CFAP61: variants seen among roughly 807,000 people sequenced by gnomAD.
CFAP61 encodes cilia- and flagella-associated protein 61.
In CFAP61, 107 loss-of-function variants were observed where a neutral mutation model predicts 135.6. The ratio of observed to expected loss-of-function variants is 0.79; its 90% CI spans 0.67 to 0.93. CFAP61 has a LOEUF of 0.93. Among genes scored for constraint, CFAP61 ranks in the 40% least tolerant of loss-of-function variants. The pLI is 0.00. For synonymous variants in CFAP61, 575 were observed against 578.5 expected, an observed-to-expected ratio of 0.99 and a Z score of 0.09; for missense variants, 1,507 against 1,556.2, an observed-to-expected ratio of 0.97 and a Z score of 0.53.
intron 1 of CFAP61, among the ~76,000 whole-genome samples, chr20:20,053,961 C>G (rs559876000): frequency 6.8e-6 from 1 of 147,956 alleles, no homozygotes; most frequent in East Asian, 2.0e-4. Flanking sequence ...TTCTCTCTTA[C>G]ATTTCTGTTG....
intron 8 of CFAP61, among the ~76,000 whole-genome samples, chr20:20,104,080 G>A (rs1192511223): frequency 6.6e-6 from 1 of 152,114 alleles, no homozygotes; most frequent in Non-Finnish European, 1.5e-5. Context: ...CCTTGGCAGG[G>A]AGAGATTTCA....
At chr20:20,211,234 G>A (rs768842851) in intron 17 of CFAP61, among the ~76,000 whole-genome samples, 22 of 152,186 alleles carry the variant, frequency 1.4e-4, no homozygotes, top group Non-Finnish European at 1.0e-4. Flanking sequence ...AGCCGGGGGC[G>A]CGGTCCTCCC....
At chr20:20,055,181 A>T (rs2044210902) in intron 1 of CFAP61, among the ~76,000 whole-genome samples, 1 of 151,646 alleles carries the variant, frequency 6.6e-6, no homozygotes, top group South Asian at 2.1e-4. Flanking sequence ...TCTTCTCATG[A>T]CTTTTGTTTC....
intron 6 of CFAP61, 102 bp downstream of exon 6, chr20:20,075,717 A>G: frequency 7.6e-7 from 1 of 1,317,396 alleles, no homozygotes; most frequent in Non-Finnish European, 1.1e-6. Flanking sequence ...AGCTTAGATC[A>G]AAATTTTTTA....
chr20:20,328,309 G>A (rs1455478726), intron 25 of CFAP61, among the ~76,000 whole-genome samples: 1 of 152,184 alleles, frequency 6.6e-6, no homozygotes, highest in Non-Finnish European at 1.5e-5. Context: ...CCAGGTGAGA[G>A]ATGGTACTTT....
chr20:20,211,228 G>C (rs760618400), intron 17 of CFAP61, among the ~76,000 whole-genome samples: 1 of 152,156 alleles, frequency 6.6e-6, no homozygotes, highest in Non-Finnish European at 1.5e-5. Context: ...CTGGTTAGCC[G>C]GGGGCGCGGT....
intron 6 of CFAP61, among the ~76,000 whole-genome samples, chr20:20,077,207 G>A (rs181115391): frequency 2.6e-5 from 4 of 152,148 alleles, no homozygotes; most frequent in Non-Finnish European, 5.9e-5. Context: ...ATAAACTGTG[G>A]TACATCCATA....
chr20:20,338,203 G>C (rs946765610), intron 25 of CFAP61, among the ~76,000 whole-genome samples: 9 of 152,116 alleles, frequency 5.9e-5, no homozygotes, highest in Non-Finnish European at 1.3e-4. Flanking sequence ...CTTGACGTTC[G>C]GGCAGGCATC....
At chr20:20,289,448 G>A (rs1249757394) in intron 23 of CFAP61, among the ~76,000 whole-genome samples, 1 of 151,964 alleles carries the variant, frequency 6.6e-6, no homozygotes, top group Non-Finnish European at 1.5e-5. Flanking sequence ...AGTAATGCAG[G>A]GTTCCTTCAC....
intron 8 of CFAP61, among the ~76,000 whole-genome samples, chr20:20,099,157 C>CACAAT (rs2047823056): frequency 1.1e-5 from 1 of 94,910 alleles, no homozygotes; most frequent in Non-Finnish European, 2.2e-5. Flanking sequence ...ACACACACAA[C>CACAAT]CAAATACAAC....
intron 2 of CFAP61, among the ~76,000 whole-genome samples, chr20:20,068,571 T>C (rs565860524): frequency 1.3e-5 from 2 of 152,250 alleles, no homozygotes; most frequent in South Asian, 4.2e-4. Flanking sequence ...AGTGTGATCA[T>C]ATGTGGCTGC....
rs1417894918 is a variant in CFAP61 at position 20,163,998 on chromosome 20, T to C, written c.1027-52T>C. 31 of 1,473,600 alleles carry C rather than the reference T, an allele frequency of 2.1e-5. No individual in the cohort carries two copies. The East Asian group carries it at 6.3e-4, about 30-fold the overall frequency. 91.3% of individuals were successfully genotyped at this position (1,473,600 alleles called of 1,614,324 possible). On this transcript the variant is annotated intron_variant, in intron 10 of 26. Coordinates refer to ENST00000245957, the MANE Select transcript of CFAP61 (RefSeq NM_015585.4). Reference sequence around the variant, plus strand: ...ATAATGCAGCCACCAGCCCACTAAATTACAGGGCATTGACAGGATTCTCAT... The same window carrying C: ...ATAATGCAGCCACCAGCCCACTAAACTACAGGGCATTGACAGGATTCTCAT...
chr20:20,310,364 G>A (rs2056747217), intron 25 of CFAP61, among the ~76,000 whole-genome samples: 1 of 152,130 alleles, frequency 6.6e-6, no homozygotes, highest in Non-Finnish European at 1.5e-5. Context: ...CCACAAAATT[G>A]ACATGAGCAT....
intron 8 of CFAP61, among the ~76,000 whole-genome samples, chr20:20,103,598 C>T (rs1387980505): frequency 6.6e-6 from 1 of 152,028 alleles, no homozygotes; most frequent in Non-Finnish European, 1.5e-5. Context: ...ATGTAAGATC[C>T]CCTTAAATGC....
At chr20:20,123,756 A>C (rs1185875074) in intron 8 of CFAP61, among the ~76,000 whole-genome samples, 1 of 151,622 alleles carries the variant, frequency 6.6e-6, no homozygotes, top group Non-Finnish European at 1.5e-5. Flanking sequence ...TGTATTTTCT[A>C]ATTCTGTGAA....
intron 8 of CFAP61, among the ~76,000 whole-genome samples, chr20:20,117,603 GT>G (rs1221174968): frequency 6.6e-6 from 1 of 151,946 alleles, no homozygotes; most frequent in Non-Finnish European, 1.5e-5. Flanking sequence ...TTTTAGCATT[GT>G]TTTTTCTGTT....
chr20:20,172,676 CAG>C (rs1306059754), intron 13 of CFAP61, among the ~76,000 whole-genome samples: 1 of 152,176 alleles, frequency 6.6e-6, no homozygotes, highest in Non-Finnish European at 1.5e-5. Context: ...GCAGAAAGTG[CAG>C]AGAGTTCTCA....
At chr20:20,266,093 G>T (rs908954889) in intron 21 of CFAP61, among the ~76,000 whole-genome samples, 3 of 152,202 alleles carry the variant, frequency 2.0e-5, no homozygotes, top group Admixed American at 6.5e-5. Context: ...AGGCCTCGAG[G>T]TAGAGCCTCC....
chr20:20,224,490 A>G (rs752748476), intron 17 of CFAP61, among the ~76,000 whole-genome samples: 1 of 152,178 alleles, frequency 6.6e-6, no homozygotes. Context: ...ATCAACTTTA[A>G]GGAATTTTTT....
Sources: gnomAD v4.1 joint callset for allele counts (sites outside exome capture counted in the v4.1 genomes callset) on GRCh38, gnomAD v4.1.1 for gene constraint, MANE v1.5 for transcripts, NCBI Gene and HGNC (gene_info 2026-07-23, HGNC 2026-07-21) for gene names.